Variants in PPP1R16A observed in about 807,000 individuals in gnomAD.
PPP1R16A encodes the protein protein phosphatase 1 regulatory subunit 16A, also known as myosin phosphatase-targeting subunit 3.
Under a neutral mutation model 46.6 loss-of-function variants are expected in PPP1R16A, and 39 were observed. That is an observed-to-expected ratio of 0.84 (90% CI 0.65 to 1.09). PPP1R16A has a LOEUF of 1.09. Ranked by LOEUF, PPP1R16A falls within the 50% of genes least tolerant of loss-of-function variation. PPP1R16A has a pLI of 0.00. For missense variants in PPP1R16A, 798 were observed against 735.6 expected (o/e 1.08, Z -0.98); for synonymous variants, 413 against 321.5 (o/e 1.28, Z -3.04).
Position 144,478,000 on chromosome 8 carries a change from A to G in PPP1R16A, c.-1041A>G. 5.1e-6 allele frequency: 2 copies of G among 391,272 alleles called. No individual in the cohort carries two copies. Among genetic ancestry groups the G allele is most frequent in the Non-Finnish European group, 9.0e-6 (2 of 221,416 alleles). The allele number at this position is 391,272 out of a possible 1,614,324, so 24.2% of individuals were successfully genotyped here. A position where few individuals can be genotyped will look rare whatever the true frequency, so the allele number is the denominator to read the frequency against. ...TCCGGCTATGGGTACCGCGGGCCGG[A>G]AGTGTAGCGTTGCCATGGCGAGGGC... On this transcript the variant is annotated 5_prime_UTR_variant, in exon 1 of 12. Transcript: ENST00000435887.
chr8:144,479,562 C>T (rs1366541659), intron 1 of PPP1R16A, among the ~76,000 whole-genome samples: 2 of 152,134 alleles, frequency 1.3e-5, no homozygotes, highest in African/African-American at 4.8e-5. Context: ...TCCTGTATGA[C>T]TGTACTTTGG....
chr8:144,489,417 G>T lies in PPP1R16A; in HGVS notation c.-913-617G>T, dbSNP rs545152060. Among the ~76,000 whole-genome samples, 19 of 150,498 alleles carry T rather than the reference G, an allele frequency of 1.3e-4. No individual in the cohort carries two copies. In the South Asian group the frequency reaches 4.0e-3, roughly 32 times the overall value. ...ACTGGGAGGGGGGTTTGTCTGGGAG[G>T]GGGTGAGCTGCACACTGGGCCCTGG... On this transcript the variant is annotated intron_variant, in intron 1 of 11. Coordinates refer to ENST00000435887, the MANE Select transcript of PPP1R16A (RefSeq NM_001329443.2).
intron 10 of PPP1R16A, 56 bp downstream of exon 10, chr8:144,501,027 C>T (rs1826416350): frequency 6.7e-7 from 1 of 1,500,214 alleles, no homozygotes; most frequent in South Asian, 1.3e-5. Context: ...GACGTCAGCC[C>T]CGGGCGGAGT....
At chr8:144,484,866 G>T (rs375480473) in intron 1 of PPP1R16A, among the ~76,000 whole-genome samples, 1 of 152,214 alleles carries the variant, frequency 6.6e-6, no homozygotes, top group Non-Finnish European at 1.5e-5. Flanking sequence ...TGTTACTGAG[G>T]TAAATAATGA....
At chr8:144,497,577 C>A in intron 3 of PPP1R16A, 124 bp downstream of exon 3, 1 of 1,391,580 alleles carries the variant, frequency 7.2e-7, no homozygotes, top group Non-Finnish European at 9.9e-7. Context: ...GCCCCCAGAT[C>A]TTGCCTGGTC....
At chr8:144,478,400 A>C in intron 1 of PPP1R16A, 1 of 330,654 alleles carries the variant, frequency 3.0e-6, no homozygotes, top group Non-Finnish European at 5.5e-6. Flanking sequence ...CCCAGGGCAC[A>C]GGTCCCGCCG....
At chr8:144,486,074 G>T (rs530134897) in intron 1 of PPP1R16A, among the ~76,000 whole-genome samples, 24 of 152,224 alleles carry the variant, frequency 1.6e-4, no homozygotes, top group South Asian at 2.1e-4. Context: ...AAGACATTTG[G>T]TTTTTTCCCC....
intron 6 of PPP1R16A, 33 bp from the exon 7 acceptor site, chr8:144,500,234 G>T (rs1429670511): frequency 7.0e-6 from 11 of 1,579,708 alleles, no homozygotes; most frequent in Non-Finnish European, 9.5e-6. Flanking sequence ...GAGGGCTGCC[G>T]GTCGCGCTCC....
At chr8:144,482,579 C>T (rs933170433) in intron 1 of PPP1R16A, among the ~76,000 whole-genome samples, 3 of 151,504 alleles carry the variant, frequency 2.0e-5, no homozygotes, top group Non-Finnish European at 2.9e-5. Flanking sequence ...CTCAACCTCC[C>T]GGGTTTAAGC....
chr8:144,480,637 C>A (rs574874232), intron 1 of PPP1R16A, among the ~76,000 whole-genome samples: 10 of 152,128 alleles, frequency 6.6e-5, no homozygotes, highest in Admixed American at 6.5e-4. Flanking sequence ...CAGGCGCATG[C>A]CACCACGGCC....
intron 5 of PPP1R16A, chr8:144,499,312 C>G (rs1180075133): frequency 1.8e-6 from 1 of 547,020 alleles, no homozygotes; most frequent in Non-Finnish European, 3.2e-6. Flanking sequence ...TCGGGCCCCC[C>G]CCCAGAGTGT....
Position 144,502,070 on chromosome 8 carries a change from C to A in PPP1R16A, c.*167C>A. The A allele has an allele frequency of 3.1e-6, 2 of 638,748 alleles. No homozygotes were observed. Among genetic ancestry groups the A allele is most frequent in the South Asian group, 2.6e-5 (1 of 38,342 alleles). 39.6% of individuals were successfully genotyped at this position (638,748 alleles called of 1,614,324 possible). A position where few individuals can be genotyped will look rare whatever the true frequency, so the allele number is the denominator to read the frequency against. ...ACATGCCTGGAGGGATGTCTGGCTG[C>A]AAAGACTATTTTTATCCTGCAACTC... is the stretch of plus-strand genomic sequence containing the variant. On this transcript the variant is annotated 3_prime_UTR_variant, in exon 12 of 12. Coordinates refer to ENST00000435887, the MANE Select transcript of PPP1R16A (RefSeq NM_001329443.2).
rs150577033 is a variant in PPP1R16A, at chr8:144,493,487, T to C, written c.-734-2974T>C. ...TCTGGTGGGCTGTTCCTGGTCCATC[T>C]TGTGGCTGGGAGGAGTAGACAAAGC... On this transcript the variant is annotated intron_variant, in intron 2 of 11. Coordinates refer to ENST00000435887, the MANE Select transcript of PPP1R16A (RefSeq NM_001329443.2). This position sits in a 1 kb window ranked among gnomAD's most constrained non-coding sequence, Gnocchi z 4.3. 3.8e-3 allele frequency among the ~76,000 whole-genome samples: 578 copies of C among 152,302 alleles called. 3 individuals carry two copies. Among genetic ancestry groups the C allele is most frequent in the African/African-American group, 7.4e-3 (309 of 41,570 alleles).
rs1333548518 is a variant in PPP1R16A at position 144,493,626 on chromosome 8, G to A, written c.-734-2835G>A. 6.6e-6 allele frequency among the ~76,000 whole-genome samples: 1 copy of A among 152,192 alleles called. No individual in the cohort carries two copies. The highest frequency in any genetic ancestry group is 1.5e-5 in the Non-Finnish European group (1 of 68,006). On this transcript the variant is annotated intron_variant, in intron 2 of 11. Coordinates refer to ENST00000435887, the MANE Select transcript of PPP1R16A (RefSeq NM_001329443.2). The surrounding 1 kb of genome is among the most constrained non-coding windows in gnomAD (Gnocchi z 4.3). Reference sequence around the variant, plus strand: ...CCTTCGGCTGGCTGCTTCCTTCTGAGGGTGATTCCTGGGCAGGGAGGCCAG... The same window carrying A: ...CCTTCGGCTGGCTGCTTCCTTCTGAAGGTGATTCCTGGGCAGGGAGGCCAG...
At chr8:144,482,502 C>T (rs1211013398) in intron 1 of PPP1R16A, among the ~76,000 whole-genome samples, 3 of 152,028 alleles carry the variant, frequency 2.0e-5, no homozygotes, top group African/African-American at 7.2e-5. Context: ...GTTCTCCCTG[C>T]CTCAACCTCC....
In PPP1R16A at chr8:144,497,329, G is replaced by A. The variant is rs1826123357; in HGVS notation, c.135G>A (p.Gln45=). 1 of 1,612,602 alleles carries A rather than the reference G, an allele frequency of 6.2e-7. No individual in the cohort carries two copies. Residue 45 remains glutamine, a synonymous_variant, in exon 3 of 12, where the codon CAG becomes CAA. Coordinates refer to ENST00000435887, the MANE Select transcript of PPP1R16A (RefSeq NM_001329443.2). ...KMWAQAEKEA[Q]GKKGPGERPR... is the part of the protein sequence containing the mutation. ...GGGCCCAGGCTGAGAAGGAGGCCCA[G>A]GGCAAGAAGGGTCCTGGGGAGCGTC...
intron 1 of PPP1R16A, among the ~76,000 whole-genome samples, chr8:144,485,101 C>G (rs991717726): frequency 1.3e-5 from 2 of 151,272 alleles, no homozygotes; most frequent in Admixed American, 6.6e-5. Flanking sequence ...TAGGAGTCAG[C>G]CCCCTCAGAG....
At chr8:144,494,227 C>T (rs1406493070) in intron 2 of PPP1R16A, among the ~76,000 whole-genome samples, 1 of 152,124 alleles carries the variant, frequency 6.6e-6, no homozygotes. Flanking sequence ...CTGCTTAGGC[C>T]TCCCAAAGTG....
In PPP1R16A at chr8:144,478,006, A is replaced by C. The variant is rs1825243238; in HGVS notation, c.-1035A>C. On this transcript the variant is annotated 5_prime_UTR_variant, in exon 1 of 12. Transcript: ENST00000435887. ...TATGGGTACCGCGGGCCGGAAGTGTAGCGTTGCCATGGCGAGGGCCGGGTG... is the reference window on the plus strand; with the variant it reads ...TATGGGTACCGCGGGCCGGAAGTGTCGCGTTGCCATGGCGAGGGCCGGGTG... The C allele has an allele frequency of 2.5e-6, 1 of 393,042 alleles. No individual in the cohort carries two copies. The highest frequency in any genetic ancestry group is 4.4e-5 in the Admixed American group (1 of 22,498). The allele number at this position is 393,042 out of a possible 1,614,324, so 24.3% of individuals were successfully genotyped here.
Sources: gnomAD v4.1 joint callset for allele counts (sites outside exome capture counted in the v4.1 genomes callset) on GRCh38, gnomAD v4.1.1 for gene constraint, Gnocchi (gnomAD v3.1) non-coding constraint, MANE v1.5 for transcripts, NCBI Gene and HGNC (gene_info 2026-07-23, HGNC 2026-07-21) for gene names.